Variants in CALN1 observed in about 807,000 individuals in gnomAD.
CALN1 encodes the protein calneuron 1.
Under a neutral mutation model 30.6 loss-of-function variants are expected in CALN1, and 17 were observed. The observed-to-expected ratio is 0.56, with a 90% CI of 0.38 to 0.83. The LOEUF (loss-of-function observed/expected upper bound fraction) is 0.83. CALN1 is among the 40% of genes least tolerant of loss of function. CALN1 has a pLI of 0.00. For synonymous variants in CALN1, 156 were observed against 131.4 expected (o/e 1.19, Z -1.28); for missense variants, 291 against 354.9 (o/e 0.82, Z 1.45).
intron 1 of CALN1, among the ~76,000 whole-genome samples, chr7:72,428,557 A>G (rs2129563926): frequency 1.3e-5 from 2 of 152,030 alleles, no homozygotes; most frequent in African/African-American, 4.8e-5. Flanking sequence ...ACGTCCAGCT[A>G]ATTTTTGTAT....
At chr7:72,159,889 GAA>G (rs1029217859) in intron 3 of CALN1, among the ~76,000 whole-genome samples, 15 of 152,352 alleles carry the variant, frequency 9.8e-5, no homozygotes, top group African/African-American at 3.4e-4. Flanking sequence ...GAAGGTGAAA[GAA>G]ACAGATATCT....
chr7:71,823,616 A>G (rs1028670655), intron 5 of CALN1, among the ~76,000 whole-genome samples: 9 of 152,106 alleles, frequency 5.9e-5, no homozygotes, highest in East Asian at 1.9e-4. Context: ...TACTTGGGAG[A>G]CTGAGGCAGA....
chr7:72,437,818 TCCTTCCTTCCTCCCTC>T (rs1165273109), intron 1 of CALN1, among the ~76,000 whole-genome samples: 5 of 144,266 alleles, frequency 3.5e-5, no homozygotes, highest in Non-Finnish European at 6.0e-5. Flanking sequence ...CTTCCTTCTT[TCCTTCCTTCCTCCCTC>T]CCTTCCATCC....
chr7:72,328,694 T>C (rs572614364), intron 2 of CALN1, among the ~76,000 whole-genome samples: 3 of 152,362 alleles, frequency 2.0e-5, no homozygotes, highest in East Asian at 1.9e-4. Flanking sequence ...CATCGGTGTC[T>C]ACATTTATTT....
intron 2 of CALN1, among the ~76,000 whole-genome samples, chr7:72,317,244 A>G: frequency 8.0e-6 from 1 of 124,376 alleles, no homozygotes; most frequent in Non-Finnish European, 1.7e-5. Context: ...GAAGGAAGGA[A>G]GGAGAGAGAA....
At chr7:72,274,883 G>C (rs767538065) in intron 3 of CALN1, among the ~76,000 whole-genome samples, 1 of 152,200 alleles carries the variant, frequency 6.6e-6, no homozygotes, top group South Asian at 2.1e-4. Flanking sequence ...AAGCAGCTTT[G>C]CATGTTTCCC....
At chr7:72,027,267 C>T (rs1392736313) in intron 4 of CALN1, among the ~76,000 whole-genome samples, 3 of 152,186 alleles carry the variant, frequency 2.0e-5, no homozygotes, top group African/African-American at 4.8e-5. Flanking sequence ...GACTAGGAGA[C>T]GCCCCAAGTA....
At chr7:71,993,577 C>T (rs952260766) in intron 5 of CALN1, among the ~76,000 whole-genome samples, 1 of 152,022 alleles carries the variant, frequency 6.6e-6, no homozygotes, top group Non-Finnish European at 1.5e-5. Context: ...CTGCCTCCAC[C>T]TCCTGAGTAG....
intron 5 of CALN1, among the ~76,000 whole-genome samples, chr7:71,902,281 AC>A (rs1418831745): frequency 1.3e-5 from 2 of 152,018 alleles, no homozygotes; most frequent in Non-Finnish European, 1.5e-5. Context: ...AAAAAAAAAA[AC>A]ATATAAATGG....
chr7:72,091,031 T>A (rs115897813), intron 4 of CALN1, among the ~76,000 whole-genome samples: 2,936 of 152,132 alleles, frequency 0.019, 95 homozygotes, highest in African/African-American at 0.067. Context: ...TGATTATTAT[T>A]AACAGTAATT....
intron 3 of CALN1, among the ~76,000 whole-genome samples, chr7:72,151,360 C>A (rs1787231826): frequency 6.6e-6 from 1 of 152,072 alleles, no homozygotes; most frequent in African/African-American, 2.4e-5. Context: ...GTCTCTGTCC[C>A]AATTTCCCCT....
intron 5 of CALN1, among the ~76,000 whole-genome samples, chr7:71,828,718 ATGTG>A (rs146892125): frequency 6.9e-5 from 10 of 144,302 alleles, no homozygotes; most frequent in East Asian, 2.1e-4. Flanking sequence ...ATATATGTAT[ATGTG>A]TGTGTGTGTG....
At chr7:72,118,889 G>A (rs1808184453) in intron 3 of CALN1, among the ~76,000 whole-genome samples, 1 of 152,172 alleles carries the variant, frequency 6.6e-6, no homozygotes, top group Admixed American at 6.5e-5. Context: ...CAAGTCCAGA[G>A]GATCAACAAG....
At chr7:72,214,290 G>A (rs1462334069) in intron 3 of CALN1, among the ~76,000 whole-genome samples, 1 of 152,154 alleles carries the variant, frequency 6.6e-6, no homozygotes, top group Non-Finnish European at 1.5e-5. Context: ...CACCAGCCTG[G>A]CCAACATGAT....
chr7:72,273,212 T>A (rs1797110282), intron 3 of CALN1, among the ~76,000 whole-genome samples: 1 of 152,052 alleles, frequency 6.6e-6, no homozygotes, highest in Non-Finnish European at 1.5e-5. Context: ...GGTGGGCAGA[T>A]CACAAGGTCA....
At chr7:72,092,616 G>C (rs1183070974) in intron 4 of CALN1, among the ~76,000 whole-genome samples, 1 of 74,306 alleles carries the variant, frequency 1.3e-5, no homozygotes, top group African/African-American at 5.6e-5. Flanking sequence ...AATGAATATT[G>C]TATTCTAGTA....
chr7:72,230,653 A>C (rs1475497474), intron 3 of CALN1, among the ~76,000 whole-genome samples: 1 of 152,226 alleles, frequency 6.6e-6, no homozygotes, highest in Non-Finnish European at 1.5e-5. Flanking sequence ...CAAAGCAAGG[A>C]AACAGATTCT....
intron 5 of CALN1, among the ~76,000 whole-genome samples, chr7:71,983,949 A>G (rs1484703182): frequency 6.6e-6 from 1 of 152,212 alleles, no homozygotes; most frequent in African/African-American, 2.4e-5. Flanking sequence ...TTAATAAATT[A>G]TGATCGAAAA....
At chr7:72,017,145 C>CAG (rs1018293823) in intron 5 of CALN1, among the ~76,000 whole-genome samples, 1 of 131,798 alleles carries the variant, frequency 7.6e-6, no homozygotes, top group Non-Finnish European at 1.6e-5. Flanking sequence ...GCCTGGGCAA[C>CAG]AGAGAGAGAC....
Sources: gnomAD v4.1 joint callset for allele counts (sites outside exome capture counted in the v4.1 genomes callset) on GRCh38, gnomAD v4.1.1 for gene constraint, MANE v1.5 for transcripts, NCBI Gene and HGNC (gene_info 2026-07-23, HGNC 2026-07-21) for gene names.